NAV2: variants seen among roughly 807,000 people sequenced by gnomAD.
NAV2 encodes neuron navigator 2.
In NAV2, 54 loss-of-function variants were observed where a neutral mutation model predicts 223.2. The ratio of observed to expected loss-of-function variants is 0.24; its 90% CI spans 0.19 to 0.30. The LOEUF is 0.30. Ranked by LOEUF, NAV2 falls within the 10% of genes least tolerant of loss-of-function variation. The pLI is 1.00. For synonymous variants in NAV2, 1,279 were observed against 1,239.3 expected (o/e 1.03, Z -0.67); for missense variants, 2,806 against 3,147.5 (o/e 0.89, Z 2.60).
At chr11:19,920,413 G>A (rs1310095107) in intron 6 of NAV2, among the ~76,000 whole-genome samples, 2 of 152,022 alleles carry the variant, frequency 1.3e-5, no homozygotes, top group Non-Finnish European at 2.9e-5. Context: ...TCAGCCTCCC[G>A]AGTAGCTGGG....
intron 1 of NAV2, among the ~76,000 whole-genome samples, chr11:19,678,027 A>G (rs1213977512): frequency 6.6e-6 from 1 of 152,146 alleles, no homozygotes; most frequent in African/African-American, 2.4e-5. Context: ...CCCTATTGTC[A>G]GGTTGGGGAC....
intron 3 of NAV2, among the ~76,000 whole-genome samples, chr11:19,860,083 G>A (rs2061640323): frequency 7.8e-6 from 1 of 128,384 alleles, no homozygotes; most frequent in Non-Finnish European, 1.7e-5. Context: ...CGGCTGGCCG[G>A]GCAGAGGGGC....
At position 19,403,957 on chromosome 11, in the gene NAV2, T is replaced by A. The variant is rs151033135; in HGVS notation, c.75+52930T>A. Reference sequence around the variant, plus strand: ...GCTCTTACGGGGACCATGGTCCATATAGAGAAACAGTCGTCTGCAAAGGCC... The same window carrying A: ...GCTCTTACGGGGACCATGGTCCATAAAGAGAAACAGTCGTCTGCAAAGGCC... On this transcript the variant is annotated intron_variant, in intron 1 of 37. Transcript: ENST00000360655. Among the ~76,000 whole-genome samples, 867 of 151,702 alleles carry A rather than the reference T, an allele frequency of 5.7e-3. 3 individuals carry two copies. Among genetic ancestry groups the A allele is most frequent in the African/African-American group, 0.019 (805 of 41,312 alleles).
intron 1 of NAV2, among the ~76,000 whole-genome samples, chr11:19,476,691 C>G (rs1194207848): frequency 2.6e-5 from 4 of 152,204 alleles, no homozygotes; most frequent in African/African-American, 4.8e-5. Flanking sequence ...GCAGGACTTT[C>G]CAAGCTGATG....
At chr11:19,855,895 T>C (rs1384630408) in intron 3 of NAV2, among the ~76,000 whole-genome samples, 3 of 152,238 alleles carry the variant, frequency 2.0e-5, no homozygotes, top group Non-Finnish European at 4.4e-5. Flanking sequence ...GGATTTGATT[T>C]GAGTTTCAGA....
chr11:20,039,503 C>T (rs144421945), intron 12 of NAV2, among the ~76,000 whole-genome samples: 9 of 152,284 alleles, frequency 5.9e-5, no homozygotes, highest in African/African-American at 2.2e-4. Flanking sequence ...TCCTCTGCCT[C>T]CAGCCTCCAT....
intron 1 of NAV2, among the ~76,000 whole-genome samples, chr11:19,618,607 C>A (rs1565105737): frequency 6.6e-6 from 1 of 152,118 alleles, no homozygotes; most frequent in South Asian, 2.1e-4. Flanking sequence ...TGAGTCTCTA[C>A]CATGGGCCTA....
chr11:19,681,753 TG>T (rs2048885644), intron 1 of NAV2, among the ~76,000 whole-genome samples: 1 of 152,146 alleles, frequency 6.6e-6, no homozygotes, highest in Non-Finnish European at 1.5e-5. Flanking sequence ...CTCTCACCAA[TG>T]CATAGTAAGC....
chr11:20,028,183 T>G (rs938646756), intron 11 of NAV2, among the ~76,000 whole-genome samples: 1 of 152,366 alleles, frequency 6.6e-6, no homozygotes, highest in African/African-American at 2.4e-5. Flanking sequence ...TGATTTATGC[T>G]TCTTTCACCT....
At chr11:19,878,722 G>T (rs996119734) in intron 4 of NAV2, among the ~76,000 whole-genome samples, 2 of 152,148 alleles carry the variant, frequency 1.3e-5, no homozygotes, top group Admixed American at 1.3e-4. Flanking sequence ...GAAGGCACTG[G>T]CAGGGCGCAC....
chr11:20,057,029 T>G (rs1174455608), intron 19 of NAV2, among the ~76,000 whole-genome samples: 1 of 151,434 alleles, frequency 6.6e-6, no homozygotes. Context: ...AGCCAGAGAG[T>G]GGGGAATCTT....
chr11:19,945,411 G>A (rs908140342), intron 8 of NAV2, among the ~76,000 whole-genome samples: 3 of 145,858 alleles, frequency 2.1e-5, no homozygotes, highest in African/African-American at 5.1e-5. Flanking sequence ...TTCACTCTCT[G>A]TTACCCAGGC....
At chr11:19,658,916 A>T (rs1385340610) in intron 1 of NAV2, among the ~76,000 whole-genome samples, 6 of 152,188 alleles carry the variant, frequency 3.9e-5, no homozygotes, top group Non-Finnish European at 8.8e-5. Context: ...AGAGTCAGGA[A>T]GCCAGGTACC....
chr11:19,691,033 TACAAGTGAATC>T (rs2049158984), intron 1 of NAV2, among the ~76,000 whole-genome samples: 1 of 152,224 alleles, frequency 6.6e-6, no homozygotes, highest in African/African-American at 2.4e-5. Flanking sequence ...AACTTTTTTG[TACAAGTGAATC>T]ACCTGGGGAT....
chr11:19,874,895 G>A (rs556581996), intron 4 of NAV2, among the ~76,000 whole-genome samples: 37 of 152,316 alleles, frequency 2.4e-4, no homozygotes, highest in African/African-American at 7.9e-4. Flanking sequence ...AATGGCTCAC[G>A]CCTTTAATCC....
intron 6 of NAV2, among the ~76,000 whole-genome samples, chr11:19,930,039 G>T (rs1412104829): frequency 2.6e-5 from 4 of 152,140 alleles, no homozygotes; most frequent in Admixed American, 1.3e-4. Context: ...GAGGTCCATT[G>T]CACCCTGAGA....
At chr11:19,564,281 G>A (rs1233633854) in intron 1 of NAV2, among the ~76,000 whole-genome samples, 2 of 152,160 alleles carry the variant, frequency 1.3e-5, no homozygotes, top group African/African-American at 2.4e-5. Context: ...GCTGAGGCTG[G>A]GATCAGCGTT....
chr11:19,750,020 G>A (rs2053671767), intron 1 of NAV2, among the ~76,000 whole-genome samples: 1 of 152,180 alleles, frequency 6.6e-6, no homozygotes, highest in African/African-American at 2.4e-5. Flanking sequence ...TTCTAATGAG[G>A]ACATTGGAAG....
chr11:20,114,304 T>C (rs1033869290), intron 36 of NAV2: 10 of 469,448 alleles, frequency 2.1e-5, no homozygotes, highest in African/African-American at 5.8e-5. Context: ...TTATCAAGGC[T>C]CAGAGTTTAG....
Sources: allele counts gnomAD v4.1 joint callset (sites outside exome capture counted in the v4.1 genomes callset), GRCh38; gene constraint gnomAD v4.1.1; transcripts MANE v1.5; gene names NCBI Gene and HGNC (gene_info 2026-07-23, HGNC 2026-07-21).